TANGO6: variants seen among roughly 807,000 people sequenced by gnomAD.
The protein encoded by TANGO6 is transport and golgi organization 6 homolog, also known as transport and Golgi organization protein 6 homolog.
In TANGO6, 90 loss-of-function variants were observed where a neutral mutation model predicts 114.2. That is an observed-to-expected ratio of 0.79 (90% CI 0.66 to 0.94). The LOEUF (loss-of-function observed/expected upper bound fraction) is 0.94. Among genes scored for constraint, TANGO6 ranks in the 40% least tolerant of loss-of-function variants. TANGO6 has a pLI of 0.00. For missense variants in TANGO6, 1,274 were observed against 1,315.3 expected, an observed-to-expected ratio of 0.97 and a Z score of 0.49; for synonymous variants, 477 against 509.8, an observed-to-expected ratio of 0.94 and a Z score of 0.87.
At chr16:69,018,667 T>C (rs1362714121) in intron 15 of TANGO6, among the ~76,000 whole-genome samples, 2 of 151,698 alleles carry the variant, frequency 1.3e-5, no homozygotes, top group African/African-American at 2.4e-5. Context: ...CTCACGCCTG[T>C]AATCCCAGCA....
chr16:68,913,816 G>T (rs549738913), intron 11 of TANGO6, among the ~76,000 whole-genome samples: 1 of 152,058 alleles, frequency 6.6e-6, no homozygotes, highest in Non-Finnish European at 1.5e-5. Flanking sequence ...AAATGGAGTT[G>T]AATTTAGAGC....
intron 14 of TANGO6, among the ~76,000 whole-genome samples, chr16:68,934,253 T>C (rs778198991): frequency 4.6e-5 from 7 of 152,076 alleles, no homozygotes; most frequent in Non-Finnish European, 8.8e-5. Flanking sequence ...TCTCACTATG[T>C]TGCCCAGGCT....
chr16:69,008,621 T>G (rs181451776), intron 15 of TANGO6, among the ~76,000 whole-genome samples: 1 of 152,188 alleles, frequency 6.6e-6, no homozygotes. Flanking sequence ...AATTTTTGTT[T>G]TGTTTTGTTT....
intron 14 of TANGO6, among the ~76,000 whole-genome samples, chr16:68,932,173 C>T (rs1440704035): frequency 1.3e-5 from 2 of 150,930 alleles, no homozygotes; most frequent in East Asian, 2.0e-4. Flanking sequence ...TCACTGCAAC[C>T]TCCGCCTCCC....
At chr16:68,957,237 T>A (rs1377563667) in intron 14 of TANGO6, among the ~76,000 whole-genome samples, 1 of 152,144 alleles carries the variant, frequency 6.6e-6, no homozygotes, top group East Asian at 1.9e-4. Context: ...TCATTAGTTG[T>A]ATTGATAATG....
intron 17 of TANGO6, among the ~76,000 whole-genome samples, chr16:69,055,685 A>C (rs991456416): frequency 3.9e-5 from 6 of 152,200 alleles, no homozygotes; most frequent in Admixed American, 1.3e-4. Flanking sequence ...ATAATCCCAT[A>C]GATTTCCTCA....
chr16:68,896,020 G>A (rs954560032), intron 7 of TANGO6, among the ~76,000 whole-genome samples: 8 of 151,698 alleles, frequency 5.3e-5, no homozygotes, highest in Non-Finnish European at 8.8e-5. Flanking sequence ...CTGTCACCCA[G>A]GCTGGAGTGT....
At chr16:68,923,250 G>A (rs1597021816) in intron 12 of TANGO6, among the ~76,000 whole-genome samples, 1 of 151,698 alleles carries the variant, frequency 6.6e-6, no homozygotes, top group Admixed American at 6.6e-5. Flanking sequence ...GAGCCACCGC[G>A]CCTGGCCTGC....
chr16:69,022,107 A>G (rs1036476503), intron 15 of TANGO6, among the ~76,000 whole-genome samples: 3 of 151,782 alleles, frequency 2.0e-5, no homozygotes, highest in Non-Finnish European at 4.4e-5. Flanking sequence ...AGGATGGTCT[A>G]GATCTCCTGA....
intron 17 of TANGO6, among the ~76,000 whole-genome samples, chr16:69,064,139 C>T (rs564387178): frequency 1.3e-5 from 2 of 152,188 alleles, no homozygotes; most frequent in South Asian, 4.1e-4. Flanking sequence ...CCCAGCTCTA[C>T]AGCCATACTT....
intron 11 of TANGO6, among the ~76,000 whole-genome samples, chr16:68,914,430 G>A (rs978604113): frequency 3.9e-5 from 6 of 152,128 alleles, no homozygotes; most frequent in Non-Finnish European, 8.8e-5. Flanking sequence ...CCAAAGTGCT[G>A]GGATTACAGG....
chr16:68,933,300 G>A (rs140785736), intron 14 of TANGO6, among the ~76,000 whole-genome samples: 56 of 152,134 alleles, frequency 3.7e-4, no homozygotes, highest in African/African-American at 1.3e-3. Context: ...CTGTAGTCCC[G>A]GTTACTTGGG....
intron 16 of TANGO6, among the ~76,000 whole-genome samples, chr16:69,025,149 T>C (rs1959478796): frequency 6.6e-6 from 1 of 152,222 alleles, no homozygotes; most frequent in African/African-American, 2.4e-5. Flanking sequence ...GACCCTGGCC[T>C]CACTTGGCCA....
intron 17 of TANGO6, among the ~76,000 whole-genome samples, chr16:69,076,069 C>T (rs1960372594): frequency 1.4e-5 from 2 of 143,326 alleles, no homozygotes; most frequent in African/African-American, 2.6e-5. Flanking sequence ...GGCCTGAATT[C>T]AACATTTTTA....
chr16:68,902,462 C>A lies in TANGO6; in HGVS notation c.1625C>A (p.Ala542Asp). 2 of 1,613,072 alleles carry A rather than the reference C, an allele frequency of 1.2e-6. No individual in the cohort carries two copies. The highest frequency in any genetic ancestry group is 8.5e-7 in the Non-Finnish European group (1 of 1,179,492). ...SLHSLCQFRVATQGGIMITIK... is the reference protein window; with the variant it reads ...SLHSLCQFRVDTQGGIMITIK... Reference sequence around the variant, plus strand: ...CATTCTCTGTGTCAGTTTAGAGTTGCCACTCAAGGTGGCATTATGATTACC... The same window carrying A: ...CATTCTCTGTGTCAGTTTAGAGTTGACACTCAAGGTGGCATTATGATTACC... Residue 542 changes from alanine to aspartate, a missense_variant, in exon 9 of 18, where the codon GCC (alanine) becomes GAC (aspartate). Ala to Asp is a moderately radical substitution (Grantham distance 126, BLOSUM62 -2). Transcript: ENST00000261778.
rs773480262 is a variant in TANGO6, at chr16:68,883,065, C to G, written c.1377+2435C>G. ...TACAAAGATTAGCTGGATGTGGTGG[C>G]ACGTGCCTGTAATCCCAGTTACTCT... is the stretch of plus-strand genomic sequence containing the variant. On this transcript the variant is annotated intron_variant, in intron 7 of 17. Coordinates refer to ENST00000261778, the MANE Select transcript of TANGO6 (RefSeq NM_024562.2). Among the ~76,000 whole-genome samples the G allele has an allele frequency of 7.7e-4, 117 of 152,024 alleles. 1 individual carries two copies. Among genetic ancestry groups the G allele is most frequent in the Non-Finnish European group, 2.8e-4 (19 of 68,006 alleles).
chr16:68,919,142 G>A lies in TANGO6; in HGVS notation c.2050G>A (p.Ala684Thr). The A allele has an allele frequency of 6.2e-7, 1 of 1,613,126 alleles. No individual in the cohort carries two copies. The highest frequency in any genetic ancestry group is 8.5e-7 in the Non-Finnish European group (1 of 1,179,622). ...QRACASLAHQ[A>T]ESTVESQTLS... is the part of the protein sequence containing the mutation. ...AGCCTGTGCAAGCCTGGCCCATCAGGCAGAGAGCACCGTGGAATCACAGAC... is the reference window on the plus strand; with the variant it reads ...AGCCTGTGCAAGCCTGGCCCATCAGACAGAGAGCACCGTGGAATCACAGAC... The change falls in exon 12 of 18, where the codon GCA (alanine) becomes ACA (threonine). Residue 684 changes from alanine to threonine, a missense_variant. This residue lies in a region of TANGO6 where 908 missense variants were observed against 910.2 expected (regional missense o/e 1.00). Coordinates refer to ENST00000261778, the MANE Select transcript of TANGO6 (RefSeq NM_024562.2).
chr16:69,037,262 C>T (rs1959703546), intron 16 of TANGO6, among the ~76,000 whole-genome samples: 1 of 151,926 alleles, frequency 6.6e-6, no homozygotes, highest in South Asian at 2.1e-4. Context: ...GCCAGCCTTA[C>T]ACTGAGAGCT....
At position 69,083,474 on chromosome 16, in the gene TANGO6, C is replaced by A; in HGVS notation, c.3109-11C>A. ...AGTAGACAGGCGGTCATGGCTGTCT[C>A]TCTCATGCAGGTGCTGAGCGCCGTC... is the stretch of plus-strand genomic sequence containing the variant. On this transcript the variant is annotated splice_polypyrimidine_tract_variant and intron_variant, in intron 17 of 17. Transcript: ENST00000261778. The A allele has an allele frequency of 6.2e-7, 1 of 1,603,028 alleles. No homozygotes were observed. The highest frequency in any genetic ancestry group is 8.5e-7 in the Non-Finnish European group (1 of 1,173,920).
Sources: gnomAD v4.1 joint callset for allele counts (sites outside exome capture counted in the v4.1 genomes callset) on GRCh38, gnomAD v4.1.1 for gene constraint, gnomAD v4.1.1 regional missense constraint, MANE v1.5 for transcripts, NCBI Gene and HGNC (gene_info 2026-07-23, HGNC 2026-07-21) for gene names.